The following CAMK1D variants were observed in gnomAD, a reference collection of about 807,000 sequenced individuals.
CAMK1D encodes calcium/calmodulin-dependent protein kinase type 1D.
Under a neutral mutation model 47.7 loss-of-function variants are expected in CAMK1D, and 9 were observed. The observed-to-expected ratio is 0.19, with a 90% CI of 0.11 to 0.33. The LOEUF (loss-of-function observed/expected upper bound fraction) is 0.33. Among genes scored for constraint, CAMK1D ranks in the 10% least tolerant of loss-of-function variants. The pLI, the probability that CAMK1D is intolerant of heterozygous loss-of-function variation, is 1.00. For missense variants in CAMK1D, 291 were observed against 488.7 expected (o/e 0.60, Z 3.81); for synonymous variants, 184 against 184.9 (o/e 0.99, Z 0.04).
chr10:12,505,520 G>T (rs1203773340), intron 1 of CAMK1D, among the ~76,000 whole-genome samples: 2 of 152,152 alleles, frequency 1.3e-5, no homozygotes, highest in Admixed American at 6.5e-5. Context: ...TTTCTGGAGG[G>T]TTCTTTCCTG....
chr10:12,654,263 T>C (rs1840059166), intron 2 of CAMK1D, among the ~76,000 whole-genome samples: 1 of 152,230 alleles, frequency 6.6e-6, no homozygotes, highest in Non-Finnish European at 1.5e-5. Context: ...CTTGTAAGCA[T>C]CCACAGTGAA....
At chr10:12,557,499 C>G (rs1368339598) in intron 2 of CAMK1D, among the ~76,000 whole-genome samples, 1 of 148,436 alleles carries the variant, frequency 6.7e-6, no homozygotes, top group Non-Finnish European at 1.5e-5. Flanking sequence ...TTGAAGTGAG[C>G]CCAGATCGCG....
At chr10:12,743,639 A>G (rs1041937146) in intron 3 of CAMK1D, among the ~76,000 whole-genome samples, 3 of 152,150 alleles carry the variant, frequency 2.0e-5, no homozygotes, top group Non-Finnish European at 2.9e-5. Context: ...ACCACCCCCA[A>G]AACGACCTCT....
At chr10:12,671,571 A>G (rs1406785906) in intron 3 of CAMK1D, among the ~76,000 whole-genome samples, 1 of 151,842 alleles carries the variant, frequency 6.6e-6, no homozygotes, top group African/African-American at 2.4e-5. Context: ...ATCTTTTCCC[A>G]TGTTAGCCAC....
intron 2 of CAMK1D, among the ~76,000 whole-genome samples, chr10:12,626,827 G>A (rs1460142620): frequency 6.6e-6 from 1 of 152,036 alleles, no homozygotes; most frequent in Non-Finnish European, 1.5e-5. Context: ...TGATTCATCT[G>A]TTTTAGAACA....
chr10:12,536,233 T>C (rs1338629634), intron 1 of CAMK1D, among the ~76,000 whole-genome samples: 1 of 149,202 alleles, frequency 6.7e-6, no homozygotes, highest in Non-Finnish European at 1.5e-5. Flanking sequence ...TTCAGAGTTC[T>C]GAAAAAAAAA....
Position 12,588,889 on chromosome 10 carries a change from C to CGTGTGTGTGT in CAMK1D, c.224+35540_224+35549dup, listed in dbSNP as rs1191222767. On this transcript the variant is annotated intron_variant, in intron 2 of 10. Transcript: ENST00000619168. The stretch of plus-strand genomic sequence containing the variant: ...ATATGTGTGTGTGTGTGTGTGCGTG[C>CGTGTGTGTGT]GTGTGTGTGTGTGTGTATATATAAC... Among the ~76,000 whole-genome samples the CGTGTGTGTGT allele has an allele frequency of 4.5e-4, 67 of 147,352 alleles. No individual in the cohort carries two copies. In the East Asian group the frequency reaches 0.01, roughly 23 times the overall value.
At chr10:12,486,691 C>A (rs12780783) in intron 1 of CAMK1D, among the ~76,000 whole-genome samples, 2 of 152,130 alleles carry the variant, frequency 1.3e-5, no homozygotes, top group East Asian at 3.8e-4. Flanking sequence ...GAAGCAGAGC[C>A]GTGGAATTTG....
intron 7 of CAMK1D, among the ~76,000 whole-genome samples, chr10:12,815,021 A>G (rs944803513): frequency 6.6e-6 from 1 of 152,212 alleles, no homozygotes; most frequent in African/African-American, 2.4e-5. Context: ...TATGTGTGCT[A>G]ACTCACTCAG....
intron 3 of CAMK1D, among the ~76,000 whole-genome samples, chr10:12,687,555 T>G (rs1832712542): frequency 6.6e-6 from 1 of 152,186 alleles, no homozygotes; most frequent in Non-Finnish European, 1.5e-5. Flanking sequence ...AATTATATTC[T>G]CACATGAGCA....
intron 3 of CAMK1D, among the ~76,000 whole-genome samples, chr10:12,695,056 A>ATACATAGG (rs1372892887): frequency 1.4e-5 from 1 of 71,848 alleles, no homozygotes; most frequent in East Asian, 4.7e-4. Context: ...AGATAGATAG[A>ATACATAGG]TAGATAGATA....
intron 1 of CAMK1D, among the ~76,000 whole-genome samples, chr10:12,364,996 AC>A (rs1169249532): frequency 6.0e-5 from 9 of 150,046 alleles, no homozygotes; most frequent in African/African-American, 2.2e-4. Context: ...TCTCACTGTC[AC>A]CCAGGCTGGA....
intron 2 of CAMK1D, among the ~76,000 whole-genome samples, chr10:12,569,667 C>G (rs533470439): frequency 7.9e-6 from 1 of 127,168 alleles, no homozygotes; most frequent in African/African-American, 3.1e-5. Flanking sequence ...TGCAGTGAGC[C>G]GAGATCGTGC....
At chr10:12,412,578 G>T (rs183072363) in intron 1 of CAMK1D, among the ~76,000 whole-genome samples, 2 of 148,588 alleles carry the variant, frequency 1.3e-5, no homozygotes, top group Admixed American at 1.4e-4. Flanking sequence ...AGCCGAGATC[G>T]TGTCACTGCA....
chr10:12,397,287 C>T (rs1008390820), intron 1 of CAMK1D, among the ~76,000 whole-genome samples: 3 of 152,114 alleles, frequency 2.0e-5, no homozygotes, highest in African/African-American at 4.8e-5. Context: ...TTCTTTCAAG[C>T]GCCCTAGGAT....
At chr10:12,809,406 A>C (rs1832511082) in intron 6 of CAMK1D, among the ~76,000 whole-genome samples, 1 of 152,236 alleles carries the variant, frequency 6.6e-6, no homozygotes, top group Non-Finnish European at 1.5e-5. Context: ...ATTCCAAAAA[A>C]ATGGAAATCA....
chr10:12,429,489 G>A (rs749863899), intron 1 of CAMK1D, among the ~76,000 whole-genome samples: 7 of 152,060 alleles, frequency 4.6e-5, no homozygotes, highest in Non-Finnish European at 7.4e-5. Flanking sequence ...ATAGGTGCGC[G>A]CTATCGTGCC....
intron 1 of CAMK1D, among the ~76,000 whole-genome samples, chr10:12,387,811 T>C (rs1343689329): frequency 6.6e-6 from 1 of 152,110 alleles, no homozygotes; most frequent in African/African-American, 2.4e-5. Flanking sequence ...CTTTATGTCA[T>C]AATAATTGCT....
At chr10:12,586,633 T>C (rs1045010400) in intron 2 of CAMK1D, among the ~76,000 whole-genome samples, 22 of 152,172 alleles carry the variant, frequency 1.4e-4, no homozygotes, top group African/African-American at 5.1e-4. Flanking sequence ...GAGAGTAAGT[T>C]GCTGTGTCCC....
Sources: allele counts gnomAD v4.1 joint callset (sites outside exome capture counted in the v4.1 genomes callset), GRCh38; gene constraint gnomAD v4.1.1; transcripts MANE v1.5; gene names NCBI Gene and HGNC (gene_info 2026-07-23, HGNC 2026-07-21).